STAT5B: variants seen among roughly 807,000 people sequenced by gnomAD.
STAT5B encodes transcription factor STAT5B.
Under a neutral mutation model 107.8 loss-of-function variants are expected in STAT5B, and 21 were observed. The observed-to-expected ratio is 0.19, with a 90% confidence interval of 0.14 to 0.28. STAT5B has a LOEUF of 0.28. Ranked by LOEUF, STAT5B falls within the 10% of genes least tolerant of loss-of-function variation. The pLI, the probability that STAT5B is intolerant of heterozygous loss-of-function variation, is 1.00. For synonymous variants in STAT5B, 325 were observed against 401.7 expected (o/e 0.81, Z 2.28); for missense variants, 565 against 1,008.2 (o/e 0.56, Z 5.95).
At chr17:42,217,010 A>G in intron 11 of STAT5B, 150 bp downstream of exon 11, 2 of 1,367,948 alleles carry the variant, frequency 1.5e-6, no homozygotes, top group Non-Finnish European at 2.0e-6. Flanking sequence ...CCTAAGTGAA[A>G]CAGTTCTCAG....
At chr17:42,257,477 T>C (rs917368486) in intron 1 of STAT5B, among the ~76,000 whole-genome samples, 1 of 152,216 alleles carries the variant, frequency 6.6e-6, no homozygotes, top group Non-Finnish European at 1.5e-5. Context: ...CTATCATCTT[T>C]ATGGAGCTAT....
intron 1 of STAT5B, among the ~76,000 whole-genome samples, chr17:42,254,200 A>G (rs938071032): frequency 6.6e-6 from 1 of 151,950 alleles, no homozygotes; most frequent in Non-Finnish European, 1.5e-5. Flanking sequence ...ACACAGCAAG[A>G]CCTCATCTCT....
intron 16 of STAT5B, among the ~76,000 whole-genome samples, chr17:42,207,087 G>C (rs530426499): frequency 6.6e-6 from 1 of 151,910 alleles, no homozygotes; most frequent in Non-Finnish European, 1.5e-5. Flanking sequence ...TGGCCAGGCT[G>C]GTCTGGAACT....
At chr17:42,286,721 T>A in the STAT5B span, among the ~76,000 whole-genome samples, 1 of 152,136 alleles carries the variant, frequency 6.6e-6, no homozygotes, top group Non-Finnish European at 1.5e-5. Flanking sequence ...ACCTGAGGAA[T>A]CTGCTCCCAT....
Position 42,200,668 on chromosome 17 carries a change from C to G in STAT5B, c.*1070G>C, listed in dbSNP as rs2080036653. ...TGAGGTGACCTGGGTTTGAATGACC[C>G]AGGGCCCAATGCACAAGAGAGAATT... is the stretch of plus-strand genomic sequence containing the variant. On this transcript the variant is annotated 3_prime_UTR_variant, in exon 19 of 19. Transcript: ENST00000293328. 1 of 156,668 alleles carries G rather than the reference C, an allele frequency of 6.4e-6. No individual in the cohort carries two copies. The highest frequency in any genetic ancestry group is 2.4e-5 in the African/African-American group (1 of 41,650). 9.7% of individuals were successfully genotyped at this position (156,668 alleles called of 1,614,324 possible).
intron 1 of STAT5B, among the ~76,000 whole-genome samples, chr17:42,241,313 A>G (rs1329967854): frequency 1.3e-5 from 2 of 149,726 alleles, no homozygotes; most frequent in East Asian, 3.9e-4. Flanking sequence ...GCACTCCAGC[A>G]TTGGCAACAA....
chr17:42,264,888 A>G (rs2080653693), intron 1 of STAT5B, among the ~76,000 whole-genome samples: 1 of 128,766 alleles, frequency 7.8e-6, no homozygotes. Context: ...TGACTTTTTA[A>G]TGATTGCCAT....
chr17:42,248,551 A>G (rs1231950999), intron 1 of STAT5B, among the ~76,000 whole-genome samples: 1 of 152,200 alleles, frequency 6.6e-6, no homozygotes, highest in Non-Finnish European at 1.5e-5. Flanking sequence ...TTCTGGTAAC[A>G]GACCGTCTCT....
intron 2 of STAT5B, among the ~76,000 whole-genome samples, chr17:42,228,801 G>A (rs927743670): frequency 1.3e-5 from 2 of 152,178 alleles, no homozygotes; most frequent in Non-Finnish European, 2.9e-5. Flanking sequence ...GGGCGTGGCG[G>A]CATGTGCCTG....
chr17:42,239,445 A>G (rs1338463481), intron 1 of STAT5B, among the ~76,000 whole-genome samples: 1 of 152,130 alleles, frequency 6.6e-6, no homozygotes, highest in East Asian at 1.9e-4. Flanking sequence ...TGCTTTATGA[A>G]TTATTAGCAA....
rs150420709 is a variant in STAT5B, at chr17:42,255,864, G to T, written c.-11+20384C>A. On this transcript the variant is annotated intron_variant, in intron 1 of 18. Transcript: ENST00000293328. ...CCAGCACTTTGGGAGGCCGAGGGCG[G>T]TTCACCTAAGGTCAGGAGTTCCAGA... 1.1e-3 allele frequency among the ~76,000 whole-genome samples: 174 copies of T among 152,310 alleles called. 1 individual carries two copies. The highest frequency in any genetic ancestry group is 4.1e-3 in the African/African-American group (171 of 41,582).
At chr17:42,252,764 G>A (rs1041662221) in intron 1 of STAT5B, among the ~76,000 whole-genome samples, 12 of 152,134 alleles carry the variant, frequency 7.9e-5, no homozygotes, top group Non-Finnish European at 1.0e-4. Context: ...CATAAACATC[G>A]TGACAAGTTT....
intron 11 of STAT5B, among the ~76,000 whole-genome samples, chr17:42,216,523 C>G (rs2080173616): frequency 6.6e-6 from 1 of 152,062 alleles, no homozygotes. Flanking sequence ...ATTGTTTGTT[C>G]ATGTTTTATT....
chr17:42,265,220 C>T (rs973957859), intron 1 of STAT5B, among the ~76,000 whole-genome samples: 2 of 151,760 alleles, frequency 1.3e-5, no homozygotes, highest in African/African-American at 4.8e-5. Context: ...TAATTAGATC[C>T]CATTTGTCAA....
At chr17:42,207,890 T>C (rs900981658) in intron 15 of STAT5B, among the ~76,000 whole-genome samples, 162 bp from the exon 16 acceptor site, 1 of 152,138 alleles carries the variant, frequency 6.6e-6, no homozygotes, top group Non-Finnish European at 1.5e-5. Flanking sequence ...CTTTTATTTA[T>C]TTACTTACTT....
chr17:42,214,354 G>C (rs2080154234), intron 12 of STAT5B: 1 of 985,274 alleles, frequency 1.0e-6, no homozygotes, highest in East Asian at 1.1e-4. Flanking sequence ...CAGGACAAGA[G>C]GCAGACAGAC....
chr17:42,254,960 A>G (rs2080530207), intron 1 of STAT5B, among the ~76,000 whole-genome samples: 1 of 152,050 alleles, frequency 6.6e-6, no homozygotes, highest in African/African-American at 2.4e-5. Flanking sequence ...GTGTGGTGGC[A>G]TGCGCCTGTA....
intron 16 of STAT5B, among the ~76,000 whole-genome samples, chr17:42,206,878 C>CT (rs78288666): frequency 0.058 from 7,723 of 132,480 alleles, 381 homozygotes; most frequent in African/African-American, 0.12. Context: ...CCCGACCTTC[C>CT]TTTTTTTTTT....
At chr17:42,266,356 C>T (rs190145893) in intron 1 of STAT5B, among the ~76,000 whole-genome samples, 15 of 151,504 alleles carry the variant, frequency 9.9e-5, no homozygotes, top group African/African-American at 3.6e-4. Context: ...AGTGAGACCC[C>T]ACTCTTTAAA....
Sources: allele counts gnomAD v4.1 joint callset (sites outside exome capture counted in the v4.1 genomes callset), GRCh38; gene constraint gnomAD v4.1.1; transcripts MANE v1.5; gene names NCBI Gene and HGNC (gene_info 2026-07-23, HGNC 2026-07-21).